Variants in CCNYL1 observed in about 807,000 individuals in gnomAD.
CCNYL1 encodes the protein cyclin Y like 1.
Under a neutral mutation model 44.2 loss-of-function variants are expected in CCNYL1, and 16 were observed. That is an observed-to-expected ratio of 0.36 (90% confidence interval 0.25 to 0.55). CCNYL1 has a LOEUF of 0.55. Ranked by LOEUF, CCNYL1 falls within the 20% of genes least tolerant of loss-of-function variation. CCNYL1 has a pLI of 0.85. For missense variants in CCNYL1, 348 were observed against 451.8 expected (o/e 0.77, Z 2.08); for synonymous variants, 159 against 163.2 (o/e 0.97, Z 0.20).
Position 207,736,368 on chromosome 2 carries a change from C to T in CCNYL1, c.432-1043C>T, listed in dbSNP as rs79603987. Among the ~76,000 whole-genome samples, 330 of 152,288 alleles carry T rather than the reference C, an allele frequency of 2.2e-3. 1 individual carries two copies. Among genetic ancestry groups the T allele is most frequent in the Non-Finnish European group, 3.4e-3 (231 of 68,030 alleles). On this transcript the variant is annotated intron_variant, in intron 4 of 9. Coordinates refer to ENST00000295414, the MANE Select transcript of CCNYL1 (RefSeq NM_001330218.2). The stretch of plus-strand genomic sequence containing the variant: ...GGGCAAATGGAAGCATATAACTTAC[C>T]TAAGACAACTCCTTGTTTCCTGATA...
intron 3 of CCNYL1, among the ~76,000 whole-genome samples, chr2:207,731,049 C>A (rs1438697569): frequency 1.3e-5 from 2 of 152,204 alleles, no homozygotes; most frequent in African/African-American, 2.4e-5. Flanking sequence ...TCTAGTAAGG[C>A]CTTAGGAATT....
At chr2:207,712,338 C>A (rs569939796) in intron 1 of CCNYL1, among the ~76,000 whole-genome samples, 1 of 152,236 alleles carries the variant, frequency 6.6e-6, no homozygotes, top group South Asian at 2.1e-4. Flanking sequence ...TTCTTGCTCC[C>A]GCTTCCCATT....
intron 2 of CCNYL1, among the ~76,000 whole-genome samples, chr2:207,725,841 T>C (rs2091676360): frequency 6.6e-6 from 1 of 152,240 alleles, no homozygotes; most frequent in African/African-American, 2.4e-5. Flanking sequence ...TGTTAAATCC[T>C]AATTTATTTG....
At chr2:207,721,880 G>T (rs1172932867) in intron 1 of CCNYL1, among the ~76,000 whole-genome samples, 1 of 151,900 alleles carries the variant, frequency 6.6e-6, no homozygotes, top group Non-Finnish European at 1.5e-5. Flanking sequence ...TGGCTGGCTA[G>T]CAGTGCTAGA....
chr2:207,714,801 A>G (rs1340794671), intron 1 of CCNYL1: 2 of 154,716 alleles, frequency 1.3e-5, no homozygotes, highest in African/African-American at 4.8e-5. Context: ...GTGGCATTCA[A>G]TAAAGTGATA....
intron 4 of CCNYL1, among the ~76,000 whole-genome samples, chr2:207,737,067 T>G (rs890121499): frequency 6.6e-6 from 1 of 152,094 alleles, no homozygotes; most frequent in African/African-American, 2.4e-5. Context: ...AGGCGCCTGC[T>G]ACCACGCCCG....
At chr2:207,719,552 C>A (rs537215227) in intron 1 of CCNYL1, among the ~76,000 whole-genome samples, 1 of 152,304 alleles carries the variant, frequency 6.6e-6, no homozygotes, top group African/African-American at 2.4e-5. Context: ...CTGCCCACCT[C>A]AGCCTCCCAA....
intron 8 of CCNYL1, among the ~76,000 whole-genome samples, chr2:207,747,695 G>C (rs1438565790): frequency 1.3e-5 from 2 of 152,126 alleles, no homozygotes; most frequent in Non-Finnish European, 2.9e-5. Context: ...ATTACAGTGG[G>C]ATTACAGGCA....
intron 1 of CCNYL1, among the ~76,000 whole-genome samples, chr2:207,713,149 G>C (rs183368364): frequency 7.3e-4 from 111 of 152,310 alleles, no homozygotes; most frequent in East Asian, 1.9e-4. Context: ...ACGGAGTTCT[G>C]ATTACTTTAA....
chr2:207,735,468 A>G (rs2091757958), intron 4 of CCNYL1, among the ~76,000 whole-genome samples: 1 of 152,232 alleles, frequency 6.6e-6, no homozygotes, highest in Non-Finnish European at 1.5e-5. Flanking sequence ...CATGTGAGGC[A>G]TAATTACACA....
chr2:207,713,499 TG>T (rs1328551359), intron 1 of CCNYL1, among the ~76,000 whole-genome samples: 1 of 152,322 alleles, frequency 6.6e-6, no homozygotes, highest in African/African-American at 2.4e-5. Context: ...TTTAGAATTT[TG>T]GAAAGAGATA....
chr2:207,711,788 C>G lies in CCNYL1; in HGVS notation c.-109C>G. On this transcript the variant is annotated 5_prime_UTR_variant, in exon 1 of 10. Coordinates refer to ENST00000295414, the MANE Select transcript of CCNYL1 (RefSeq NM_001330218.2). ...TTGCGCGGTGCAGCCCCAGCGTAGC[C>G]CGGGGCTGCCGGTGCCGGCCGCGCC... 1 of 705,882 alleles carries G rather than the reference C, an allele frequency of 1.4e-6. No homozygotes were observed. Among genetic ancestry groups the G allele is most frequent in the Non-Finnish European group, 2.1e-6 (1 of 485,886 alleles). 43.7% of individuals were successfully genotyped at this position (705,882 alleles called of 1,614,324 possible).
At chr2:207,745,910 C>T (rs1212976473) in intron 7 of CCNYL1, among the ~76,000 whole-genome samples, 2 of 152,192 alleles carry the variant, frequency 1.3e-5, no homozygotes, top group Non-Finnish European at 2.9e-5. Flanking sequence ...CACTGCACTC[C>T]AGCCTAAAAA....
At chr2:207,715,379 CT>C (rs770646092) in intron 1 of CCNYL1, among the ~76,000 whole-genome samples, 40 of 100,758 alleles carry the variant, frequency 4.0e-4, no homozygotes, top group East Asian at 6.9e-4. Flanking sequence ...CAAGCTATTT[CT>C]TTTTTTTTTT....
intron 1 of CCNYL1, among the ~76,000 whole-genome samples, chr2:207,718,710 C>G (rs949344539): frequency 1.4e-4 from 21 of 152,156 alleles, no homozygotes; most frequent in African/African-American, 4.8e-4. Flanking sequence ...CGAAGAGTTG[C>G]ATTCGTGTAT....
At position 207,713,435 on chromosome 2, in the gene CCNYL1, ACT is replaced by A. The variant is rs144044466; in HGVS notation, c.220+1322_220+1323del. On this transcript the variant is annotated intron_variant, in intron 1 of 9. Coordinates refer to ENST00000295414, the MANE Select transcript of CCNYL1 (RefSeq NM_001330218.2). Reference sequence around the variant, plus strand: ...AGATGAGAATGTTGGGGTTCGTCAGACTCTAAACCGTTGAGGTAGGGGTGAGG... The same window carrying A: ...AGATGAGAATGTTGGGGTTCGTCAGACTAAACCGTTGAGGTAGGGGTGAGG... Among the ~76,000 whole-genome samples the A allele has an allele frequency of 4.4e-3, 666 of 152,158 alleles. 5 individuals are homozygous for A. The highest frequency in any genetic ancestry group is 0.015 in the African/African-American group (618 of 41,486).
intron 1 of CCNYL1, chr2:207,714,313 T>TC (rs1491159420): frequency 5.4e-4 from 32 of 59,394 alleles, no homozygotes; most frequent in African/African-American, 3.9e-3. Flanking sequence ...CTTACATCTC[T>TC]TTTTTTTTTT....
intron 1 of CCNYL1, among the ~76,000 whole-genome samples, chr2:207,722,444 T>G (rs1451304095): frequency 6.6e-6 from 1 of 152,070 alleles, no homozygotes. Flanking sequence ...TAGTAGCACA[T>G]CTTGATTTGG....
intron 3 of CCNYL1, 33 bp downstream of exon 3, chr2:207,726,909 CA>C: frequency 6.8e-7 from 1 of 1,476,620 alleles, no homozygotes; most frequent in Non-Finnish European, 9.1e-7. Context: ...AAGAAATTAA[CA>C]GTTGAATTAA....
Sources: allele counts gnomAD v4.1 joint callset (sites outside exome capture counted in the v4.1 genomes callset), GRCh38; gene constraint gnomAD v4.1.1; transcripts MANE v1.5; gene names NCBI Gene and HGNC (gene_info 2026-07-23, HGNC 2026-07-21).